The following CDH12 variants were observed in gnomAD, a reference collection of about 807,000 sequenced individuals.
The protein encoded by CDH12 is cadherin 12.
CDH12 carries 41 observed loss-of-function variants against 74.1 expected under a neutral mutation model. That is an observed-to-expected ratio of 0.55 (90% CI 0.43 to 0.72). CDH12 has a LOEUF of 0.72. Among genes scored for constraint, CDH12 ranks in the 30% least tolerant of loss-of-function variants. The pLI, the probability that CDH12 is intolerant of heterozygous loss-of-function variation, is 0.00. For synonymous variants in CDH12, 399 were observed against 355.0 expected, an observed-to-expected ratio of 1.12 and a Z score of -1.39; for missense variants, 945 against 977.2, an observed-to-expected ratio of 0.97 and a Z score of 0.44.
At chr5:22,625,774 T>G (rs1156396692) in intron 1 of CDH12, among the ~76,000 whole-genome samples, 2 of 151,950 alleles carry the variant, frequency 1.3e-5, no homozygotes, top group East Asian at 3.9e-4. Flanking sequence ...TCATCATAGC[T>G]CCTTTCCTGG....
chr5:21,875,896 A>ATTTTT (rs34435511), intron 6 of CDH12, among the ~76,000 whole-genome samples: 3 of 136,828 alleles, frequency 2.2e-5, no homozygotes, highest in Non-Finnish European at 4.6e-5. Context: ...CTTTGCGGGC[A>ATTTTT]TTTTTTTTTT....
At chr5:22,572,169 T>A (rs903163468) in intron 1 of CDH12, among the ~76,000 whole-genome samples, 1 of 152,158 alleles carries the variant, frequency 6.6e-6, no homozygotes, top group Non-Finnish European at 1.5e-5. Flanking sequence ...AAAAAAGTTA[T>A]ATGAGATCTT....
At chr5:22,643,583 T>C (rs980304561) in intron 1 of CDH12, among the ~76,000 whole-genome samples, 2 of 152,222 alleles carry the variant, frequency 1.3e-5, no homozygotes, top group Middle Eastern at 6.8e-3. Flanking sequence ...CTTGGTGATG[T>C]TGTAAACAAA....
chr5:22,265,456 T>C (rs1753670463), intron 3 of CDH12, among the ~76,000 whole-genome samples: 1 of 152,188 alleles, frequency 6.6e-6, no homozygotes, highest in Non-Finnish European at 1.5e-5. Context: ...CTTGTTACTA[T>C]AATTCAGCTT....
intron 1 of CDH12, among the ~76,000 whole-genome samples, chr5:22,730,376 TTTTG>T (rs756263160): frequency 9.9e-5 from 15 of 151,820 alleles, no homozygotes; most frequent in Non-Finnish European, 1.5e-4. Flanking sequence ...GCTATATTTG[TTTTG>T]TTTTTCCAGT....
chr5:21,826,428 A>G (rs1200553094), intron 8 of CDH12, among the ~76,000 whole-genome samples: 1 of 152,088 alleles, frequency 6.6e-6, no homozygotes, highest in Non-Finnish European at 1.5e-5. Flanking sequence ...TACCTCCTAA[A>G]ATCACTCAAA....
intron 3 of CDH12, among the ~76,000 whole-genome samples, chr5:22,389,591 C>T (rs1471534924): frequency 6.6e-6 from 1 of 151,350 alleles, no homozygotes; most frequent in African/African-American, 2.4e-5. Flanking sequence ...CTCTGATGAG[C>T]AACTAAAATT....
intron 8 of CDH12, among the ~76,000 whole-genome samples, chr5:21,831,699 T>C (rs978254437): frequency 7.9e-5 from 12 of 151,926 alleles, no homozygotes; most frequent in Non-Finnish European, 1.8e-4. Flanking sequence ...TCCATGTACT[T>C]GCCCTGATTC....
At chr5:22,657,644 T>C (rs551694709) in intron 1 of CDH12, among the ~76,000 whole-genome samples, 1 of 152,178 alleles carries the variant, frequency 6.6e-6, no homozygotes, top group African/African-American at 2.4e-5. Context: ...ATTTCTATGG[T>C]GACATTTATC....
chr5:22,339,585 G>A (rs1739754116), intron 3 of CDH12, among the ~76,000 whole-genome samples: 2 of 152,098 alleles, frequency 1.3e-5, no homozygotes, highest in South Asian at 4.1e-4. Flanking sequence ...CAACCCTAGA[G>A]GAAATCAGAT....
At position 22,595,252 on chromosome 5, in the gene CDH12, T is replaced by C. The variant is rs563921023; in HGVS notation, c.-522-89888A>G. ...TTAATGCAAGATGTAAAATTGAATA[T>C]AGTACTTGACTTATGAACCCAGAAA... On this transcript the variant is annotated intron_variant, in intron 1 of 14. Transcript: ENST00000382254. 2.6e-4 allele frequency among the ~76,000 whole-genome samples: 40 copies of C among 152,322 alleles called. No individual in the cohort carries two copies. In the South Asian group the frequency reaches 3.9e-3, roughly 15 times the overall value.
intron 5 of CDH12, among the ~76,000 whole-genome samples, chr5:21,997,629 T>C (rs1414783095): frequency 6.6e-6 from 1 of 152,126 alleles, no homozygotes. Context: ...TGATAAATAC[T>C]AGAGATGCCA....
chr5:22,173,202 T>C (rs1749133807), intron 4 of CDH12, among the ~76,000 whole-genome samples: 1 of 149,640 alleles, frequency 6.7e-6, no homozygotes, highest in African/African-American at 2.4e-5. Flanking sequence ...ATACATGTGC[T>C]AAATGTACAC....
intron 3 of CDH12, among the ~76,000 whole-genome samples, chr5:22,349,960 T>G (rs1024681416): frequency 6.6e-6 from 1 of 152,206 alleles, no homozygotes; most frequent in African/African-American, 2.4e-5. Context: ...TTGTACACAG[T>G]TCAAGCCTGC....
At chr5:22,661,311 C>A (rs1170321572) in intron 1 of CDH12, among the ~76,000 whole-genome samples, 1 of 152,116 alleles carries the variant, frequency 6.6e-6, no homozygotes, top group Non-Finnish European at 1.5e-5. Context: ...GGGTTGAATA[C>A]AAGAACCTCA....
At chr5:22,819,042 A>G (rs781665841) in intron 1 of CDH12, among the ~76,000 whole-genome samples, 18 of 152,178 alleles carry the variant, frequency 1.2e-4, no homozygotes, top group South Asian at 6.2e-4. Flanking sequence ...TAATAAAAAT[A>G]AATTTAAAAT....
At chr5:21,787,917 T>C (rs937733421) in intron 10 of CDH12, among the ~76,000 whole-genome samples, 1 of 152,184 alleles carries the variant, frequency 6.6e-6, no homozygotes, top group Non-Finnish European at 1.5e-5. Flanking sequence ...TAGCACCTCA[T>C]TTAACTTGCC....
chr5:22,419,081 TATGTTG>T (rs1341432904), intron 2 of CDH12, among the ~76,000 whole-genome samples: 1 of 152,104 alleles, frequency 6.6e-6, no homozygotes, highest in Admixed American at 6.5e-5. Flanking sequence ...TTGATTTGTG[TATGTTG>T]AACCGGGCTT....
At chr5:22,250,002 A>C (rs1297314818) in intron 3 of CDH12, among the ~76,000 whole-genome samples, 1 of 152,102 alleles carries the variant, frequency 6.6e-6, no homozygotes, top group Non-Finnish European at 1.5e-5. Context: ...AGCCTTAAAC[A>C]AAGTCCGTCA....
Sources: allele counts gnomAD v4.1 joint callset (sites outside exome capture counted in the v4.1 genomes callset), GRCh38; gene constraint gnomAD v4.1.1; transcripts MANE v1.5; gene names NCBI Gene and HGNC (gene_info 2026-07-23, HGNC 2026-07-21).